The following ABLIM2 variants were observed in gnomAD, a reference collection of about 807,000 sequenced individuals.
ABLIM2 encodes the protein actin binding LIM protein family member 2, also known as actin-binding LIM protein 2.
A neutral mutation model predicts 97.7 loss-of-function variants in ABLIM2; 53 were observed. The observed-to-expected ratio is 0.54, with a 90% CI of 0.44 to 0.68. The LOEUF (loss-of-function observed/expected upper bound fraction) is 0.68, where lower values mean the gene tolerates loss of function less well. Among genes scored for constraint, ABLIM2 ranks in the 30% least tolerant of loss-of-function variants. The pLI is 0.00. For synonymous variants in ABLIM2, 361 were observed against 345.8 expected, an observed-to-expected ratio of 1.04 and a Z score of -0.49; for missense variants, 835 against 867.2, an observed-to-expected ratio of 0.96 and a Z score of 0.47.
chr4:8,058,714 G>A lies in ABLIM2; in HGVS notation c.763+2253C>T, dbSNP rs1298945403. Among the ~76,000 whole-genome samples the A allele has an allele frequency of 3.3e-5, 5 of 152,080 alleles. No homozygotes were observed. Among genetic ancestry groups the A allele is most frequent in the Admixed American group, 6.6e-5 (1 of 15,258 alleles). ...TGAACCCTCTTCTCAATTAGGCCTCGAACTTTGCCCAGGTCTCCACCATCA... is the reference window on the plus strand; with the variant it reads ...TGAACCCTCTTCTCAATTAGGCCTCAAACTTTGCCCAGGTCTCCACCATCA... On this transcript the variant is annotated intron_variant, in intron 7 of 20. Transcript: ENST00000447017. The surrounding 1 kb of genome is among the most constrained non-coding windows in gnomAD (Gnocchi z 4.2).
rs144535634 is a variant in ABLIM2, at chr4:8,034,352, G to A, written c.1047+1797C>T. 6.7e-3 allele frequency among the ~76,000 whole-genome samples: 1,008 copies of A among 150,664 alleles called. 11 individuals are homozygous for A. Among genetic ancestry groups the A allele is most frequent in the African/African-American group, 0.022 (896 of 40,928 alleles). On this transcript the variant is annotated intron_variant, in intron 10 of 20. Transcript: ENST00000447017. ...GGATGCACATGGGTGCAGGTAGGTG[G>A]TTGCAGATGGGTGCAGGGGGGTGTG...
chr4:8,030,197 G>A (rs1023171988), intron 10 of ABLIM2, among the ~76,000 whole-genome samples: 1 of 152,204 alleles, frequency 6.6e-6, no homozygotes, highest in African/African-American at 2.4e-5. Context: ...GGGCTCTAAC[G>A]GCCCTGGAGG....
rs1344229000 is a variant in ABLIM2 at position 7,970,376 on chromosome 4, C to A, written c.1825-3273G>T. On this transcript the variant is annotated intron_variant, in intron 20 of 20. Transcript: ENST00000447017. This position sits in a 1 kb window ranked among gnomAD's most constrained non-coding sequence, Gnocchi z 5.3. ...AAGGTGTCAAGGGGGTGGTGTGCCC[C>A]CTGCCATCTGCAATCGTGTACTTAA... is the stretch of plus-strand genomic sequence containing the variant. 6.6e-6 allele frequency among the ~76,000 whole-genome samples: 1 copy of A among 151,960 alleles called. No homozygotes were observed.
At chr4:8,081,591 G>A (rs376272898) in intron 4 of ABLIM2, among the ~76,000 whole-genome samples, 2 of 152,216 alleles carry the variant, frequency 1.3e-5, no homozygotes, top group Non-Finnish European at 2.9e-5. Context: ...AGCGGGGTGC[G>A]TGTGAGTGCA....
rs937242810 is a variant in ABLIM2, at chr4:8,150,057, C to T, written c.10+8623G>A. Among the ~76,000 whole-genome samples, 7 of 152,204 alleles carry T rather than the reference C, an allele frequency of 4.6e-5. No individual in the cohort carries two copies. The highest frequency in any genetic ancestry group is 1.7e-4 in the African/African-American group (7 of 41,452). ...TGCACCCAAGTTCCCACTGCACCTA[C>T]TCAGGGAGCCTAAATGGAGAGAGTT... On this transcript the variant is annotated intron_variant, in intron 1 of 20. Transcript: ENST00000447017. The surrounding 1 kb of genome is among the most constrained non-coding windows in gnomAD (Gnocchi z 6.3).
rs751808867 is a variant in ABLIM2, at chr4:8,134,632, C to T, written c.10+24048G>A. On this transcript the variant is annotated intron_variant, in intron 1 of 20. Transcript: ENST00000447017. ...GAAATTCACAGAGACACAAATGTGC[C>T]GGAAATGTATGAAAACGCTCTCAGG... 1.5e-4 allele frequency among the ~76,000 whole-genome samples: 23 copies of T among 152,138 alleles called. No individual in the cohort carries two copies. In the South Asian group the frequency reaches 1.9e-3, roughly 12 times the overall value.
chr4:7,993,716 T>TG (rs978367782), intron 16 of ABLIM2, among the ~76,000 whole-genome samples: 2 of 152,074 alleles, frequency 1.3e-5, no homozygotes, highest in African/African-American at 4.8e-5. Flanking sequence ...TGCTTGCAAT[T>TG]GGGGGGCTTC....
rs181116786 is a variant in ABLIM2, at chr4:7,976,026, C to T, written c.1824+7238G>A. 1.4e-4 allele frequency among the ~76,000 whole-genome samples: 21 copies of T among 152,352 alleles called. 1 individual carries two copies. The South Asian group carries it at 2.3e-3, about 17-fold the overall frequency. On this transcript the variant is annotated intron_variant, in intron 20 of 20. Transcript: ENST00000447017. The stretch of plus-strand genomic sequence containing the variant: ...TTCCCACCAGCAGTCATCTTTCCCA[C>T]GCCTTAGACCACCCACTTCTTATTC...
rs1484863547 is a variant in ABLIM2 at position 8,083,186 on chromosome 4, A to ATGCTGTGTG, written c.455-2385_455-2384insCACACAGCA. Reference sequence around the variant, plus strand: ...TCTGCATGTCAAGGGAGCACAGCACATGGGGCTGTGTGTCGACCAGAGGAC... The same window carrying ATGCTGTGTG: ...TCTGCATGTCAAGGGAGCACAGCACATGCTGTGTGTGGGGCTGTGTGTCGACCAGAGGAC... On this transcript the variant is annotated intron_variant, in intron 4 of 20. Transcript: ENST00000447017. This position sits in a 1 kb window ranked among gnomAD's most constrained non-coding sequence, Gnocchi z 4.6. 2.6e-5 allele frequency among the ~76,000 whole-genome samples: 4 copies of ATGCTGTGTG among 152,164 alleles called. No individual in the cohort carries two copies. In the East Asian group the frequency reaches 7.7e-4, roughly 29 times the overall value.
rs1742289608 is a variant in ABLIM2 at position 7,984,839 on chromosome 4, C to T, written c.1735G>A (p.Glu579Lys). The stretch of plus-strand genomic sequence containing the variant: ...CCCACAGGGTCCCCGCTCTGTGTAC[C>T]TCGCATGCCCCAGCTGGCATCCGGG... ...ADPDASWGMR[E>K]YKIYPYDSLI... The change falls in exon 18 of 21, where the codon GAA becomes AAA. Residue 579 changes from glutamate to lysine, a missense_variant and splice_region_variant. Physicochemically the swap from Glu to Lys is moderately conservative, Grantham distance 56. Transcript: ENST00000447017. 1 of 1,599,638 alleles carries T rather than the reference C, an allele frequency of 6.3e-7. No individual in the cohort carries two copies.
At chr4:8,114,646 T>A (rs1842024889) in intron 1 of ABLIM2, among the ~76,000 whole-genome samples, 1 of 152,158 alleles carries the variant, frequency 6.6e-6, no homozygotes, top group African/African-American at 2.4e-5. Flanking sequence ...GGCCCCATTC[T>A]CACCACGGCC....
rs34309113 is a variant in ABLIM2 at position 8,085,595 on chromosome 4, C to T, written c.454+2574G>A. 1.3e-4 allele frequency among the ~76,000 whole-genome samples: 19 copies of T among 147,044 alleles called. No individual in the cohort carries two copies. The highest frequency in any genetic ancestry group is 2.3e-4 in the Non-Finnish European group (15 of 66,476). ...CCCACGCTGCAGCCCCGTCCACTCACGCGGGTCTGGGGGGTGCCCACGCTG... is the reference window on the plus strand; with the variant it reads ...CCCACGCTGCAGCCCCGTCCACTCATGCGGGTCTGGGGGGTGCCCACGCTG... On this transcript the variant is annotated intron_variant, in intron 4 of 20. Coordinates refer to ENST00000447017, the MANE Select transcript of ABLIM2 (RefSeq NM_001130083.2). This position sits in a 1 kb window ranked among gnomAD's most constrained non-coding sequence, Gnocchi z 6.1.
chr4:8,018,994 A>G (rs781104285), intron 14 of ABLIM2, among the ~76,000 whole-genome samples: 5 of 152,142 alleles, frequency 3.3e-5, no homozygotes, highest in Non-Finnish European at 7.4e-5. Flanking sequence ...TCCCAGGAGG[A>G]AAGAGAGGGG....
At chr4:8,108,956 C>T (rs112800625) in intron 1 of ABLIM2, among the ~76,000 whole-genome samples, 96 of 152,372 alleles carry the variant, frequency 6.3e-4, no homozygotes, top group African/African-American at 2.2e-3. Flanking sequence ...GGCACCAGGC[C>T]AGAGCGAGGA....
In ABLIM2 at chr4:8,087,994, C is replaced by T. The variant is rs1256422022; in HGVS notation, c.454+175G>A. On this transcript the variant is annotated intron_variant, in intron 4 of 20. Transcript: ENST00000447017. This position sits in a 1 kb window ranked among gnomAD's most constrained non-coding sequence, Gnocchi z 4.6. ...CCCAACTCAGCACCCCCCCCACAAC[C>T]AGCAAGCCCCCACTTAGCATGCCCT... Among the ~76,000 whole-genome samples, 1 of 123,144 alleles carries T rather than the reference C, an allele frequency of 8.1e-6. No individual in the cohort carries two copies. The highest frequency in any genetic ancestry group is 3.0e-5 in the African/African-American group (1 of 33,148). The allele number at this position is 123,144 out of a possible 152,430, so 80.8% of individuals were successfully genotyped here. A position where few individuals can be genotyped will look rare whatever the true frequency, so the allele number is the denominator to read the frequency against.
rs1821517176 is a variant in ABLIM2 at position 8,083,895 on chromosome 4, A to G, written c.455-3093T>C. ...TCCCCAAAAGGCTCCCTCTTCCACA[A>G]GATGTGGTCATGGTGGGGGTGGTTG... On this transcript the variant is annotated intron_variant, in intron 4 of 20. Coordinates refer to ENST00000447017, the MANE Select transcript of ABLIM2 (RefSeq NM_001130083.2). This position sits in a 1 kb window ranked among gnomAD's most constrained non-coding sequence, Gnocchi z 4.6. 6.6e-6 allele frequency among the ~76,000 whole-genome samples: 1 copy of G among 151,934 alleles called. No individual in the cohort carries two copies.
chr4:8,027,562 AG>A (rs1282723611), intron 12 of ABLIM2, among the ~76,000 whole-genome samples, 196 bp downstream of exon 12: 3 of 152,180 alleles, frequency 2.0e-5, no homozygotes, highest in African/African-American at 7.2e-5. Context: ...TTATGTAACA[AG>A]GTACCTAAGT....
chr4:8,133,416 T>G (rs1849709887), intron 1 of ABLIM2, among the ~76,000 whole-genome samples: 1 of 152,150 alleles, frequency 6.6e-6, no homozygotes, highest in Admixed American at 6.5e-5. Context: ...GGGGTATCTC[T>G]TCTCCTGCTC....
At position 8,155,374 on chromosome 4, in the gene ABLIM2, T is replaced by C. The variant is rs1396401069; in HGVS notation, c.10+3306A>G. On this transcript the variant is annotated intron_variant, in intron 1 of 20. Transcript: ENST00000447017. This position sits in a 1 kb window ranked among gnomAD's most constrained non-coding sequence, Gnocchi z 4.2. ...CACAGTCTGGGGACTAGGGCTCAGGTTCGGGCTCTGCCACATCCTCTCCTT... is the reference window on the plus strand; with the variant it reads ...CACAGTCTGGGGACTAGGGCTCAGGCTCGGGCTCTGCCACATCCTCTCCTT... Among the ~76,000 whole-genome samples the C allele has an allele frequency of 1.3e-5, 2 of 152,170 alleles. No individual in the cohort carries two copies. Among genetic ancestry groups the C allele is most frequent in the African/African-American group, 4.8e-5 (2 of 41,450 alleles).
Sources: gnomAD v4.1 joint callset for allele counts (sites outside exome capture counted in the v4.1 genomes callset) on GRCh38, gnomAD v4.1.1 for gene constraint, Gnocchi (gnomAD v3.1) non-coding constraint, MANE v1.5 for transcripts, NCBI Gene and HGNC (gene_info 2026-07-23, HGNC 2026-07-21) for gene names.